The following NBL1 variants were observed in gnomAD, a reference collection of about 807,000 sequenced individuals.
The protein encoded by NBL1 is NBL1, DAN family BMP antagonist.
In NBL1, 9 loss-of-function variants were observed where a neutral mutation model predicts 16.0. The ratio of observed to expected loss-of-function variants is 0.56; its 90% CI spans 0.34 to 0.98. The LOEUF is 0.98. NBL1 is among the 50% of genes least tolerant of loss of function. NBL1 has a pLI of 0.02. For synonymous variants in NBL1, 86 were observed against 100.7 expected (o/e 0.85, Z 0.87); for missense variants, 196 against 243.1 (o/e 0.81, Z 1.29).
At chr1:19,646,000 G>C in intron 1 of NBL1, 1 of 1,550,516 alleles carries the variant, frequency 6.4e-7, no homozygotes, top group Non-Finnish European at 8.7e-7. Flanking sequence ...TTGTTTTGGA[G>C]ACTGTTTTTC....
chr1:19,655,442 A>ACTGC lies in NBL1; in HGVS notation c.282+17_282+20dup. 6.2e-7 allele frequency: 1 copy of ACTGC among 1,613,660 alleles called. No homozygotes were observed. The highest frequency in any genetic ancestry group is 2.2e-5 in the East Asian group (1 of 44,846). On this transcript the variant is annotated splice_region_variant and intron_variant, in intron 3 of 3. Coordinates refer to ENST00000375136, the MANE Select transcript of NBL1 (RefSeq NM_005380.8). Reference sequence around the variant, plus strand: ...CCAGTCCATGTGGGAGATTGTGAGTACTGCCTGCCTGCCCCACCCAGTCTC... The same window carrying ACTGC: ...CCAGTCCATGTGGGAGATTGTGAGTACTGCCTGCCTGCCTGCCCCACCCAGTCTC...
Position 19,650,866 on chromosome 1 carries a change from C to T in NBL1, c.-19-4146C>T, listed in dbSNP as rs533951915. 6.6e-5 allele frequency among the ~76,000 whole-genome samples: 10 copies of T among 152,202 alleles called. 1 individual carries two copies. The highest frequency in any genetic ancestry group is 5.2e-4 in the Admixed American group (8 of 15,248). ...ACCCCACCGGTGGGGGCAGCCTGGG[C>T]TCTTCGGGGCTGGGCAGGAGGGTGG... On this transcript the variant is annotated intron_variant, in intron 1 of 3. Coordinates refer to ENST00000375136, the MANE Select transcript of NBL1 (RefSeq NM_005380.8).
intron 1 of NBL1, among the ~76,000 whole-genome samples, chr1:19,648,305 G>A (rs1342127182): frequency 6.6e-6 from 1 of 152,192 alleles, no homozygotes; most frequent in African/African-American, 2.4e-5. Flanking sequence ...CTCAGTGGCA[G>A]CGTTGTTAAT....
chr1:19,648,932 A>G (rs780328603), intron 1 of NBL1, among the ~76,000 whole-genome samples: 34 of 152,154 alleles, frequency 2.2e-4, no homozygotes, highest in Non-Finnish European at 4.6e-4. Context: ...CTAGGGAGTC[A>G]GGAATGGGAT....
chr1:19,657,101 A>G lies in NBL1; in HGVS notation c.518A>G (p.His173Arg). 1 of 1,256,994 alleles carries G rather than the reference A, an allele frequency of 8.0e-7. No homozygotes were observed. The highest frequency in any genetic ancestry group is 1.0e-6 in the Non-Finnish European group (1 of 970,884). 77.9% of individuals were successfully genotyped at this position (1,256,994 alleles called of 1,614,324 possible). A position where few individuals can be genotyped will look rare whatever the true frequency, so the allele number is the denominator to read the frequency against. ...PEPEDPPGAPHTEEEGAED is the reference protein window; with the variant it reads ...PEPEDPPGAPRTEEEGAED The stretch of plus-strand genomic sequence containing the variant: ...CCCGAGGACCCCCCTGGGGCCCCCC[A>G]CACAGAGGAAGAGGGGGCTGAGGAC... Residue 173 changes from histidine (H) to arginine (R), a missense_variant, in exon 4 of 4, where the codon CAC becomes CGC. Transcript: ENST00000375136.
At chr1:19,656,815 C>G in intron 3 of NBL1, 51 bp from the exon 4 acceptor site, 1 of 1,553,858 alleles carries the variant, frequency 6.4e-7, no homozygotes, top group African/African-American at 1.4e-5. Flanking sequence ...GCTGCCTTGC[C>G]TGCCCCAGAC....
intron 1 of NBL1, among the ~76,000 whole-genome samples, chr1:19,648,021 G>C (rs998248381): frequency 6.6e-6 from 1 of 152,182 alleles, no homozygotes; most frequent in Non-Finnish European, 1.5e-5. Context: ...TTTTGTGTGT[G>C]TGTGGGTCTG....
intron 1 of NBL1, chr1:19,645,819 C>G (rs532453038): frequency 6.8e-7 from 1 of 1,467,530 alleles, no homozygotes; most frequent in African/African-American, 1.4e-5. Context: ...CCAGGGATAT[C>G]GCCTCATTAT....
intron 1 of NBL1, among the ~76,000 whole-genome samples, chr1:19,651,851 G>A (rs192107904): frequency 1.6e-4 from 25 of 152,096 alleles, no homozygotes; most frequent in Non-Finnish European, 1.0e-4. Flanking sequence ...ACATCACAAT[G>A]CATAATGTGA....
Position 19,657,627 on chromosome 1 carries a change from CCT to C in NBL1, c.*502_*503del, listed in dbSNP as rs1295995024. On this transcript the variant is annotated 3_prime_UTR_variant, in exon 4 of 4. Transcript: ENST00000375136. ...CTCCGGCCCACAGGTTTCCCCAAGG[CCT>C]CTCACCCCACTTCCCATCTCCAGGG... 1 of 153,072 alleles carries C rather than the reference CCT, an allele frequency of 6.5e-6. No homozygotes were observed. The highest frequency in any genetic ancestry group is 1.9e-4 in the East Asian group (1 of 5,166). 9.5% of individuals were successfully genotyped at this position (153,072 alleles called of 1,614,324 possible). A position where few individuals can be genotyped will look rare whatever the true frequency, so the allele number is the denominator to read the frequency against.
At position 19,655,510 on chromosome 1, in the gene NBL1, C is replaced by T. The variant is rs139510360; in HGVS notation, c.282+75C>T. ...AGCCTTGGCCTTTCTCCCCAGGCTC[C>T]TGTATTCCAGCAGATGGCCACAGGG... On this transcript the variant is annotated intron_variant, in intron 3 of 3. Coordinates refer to ENST00000375136, the MANE Select transcript of NBL1 (RefSeq NM_005380.8). The T allele has an allele frequency of 5.2e-5, 79 of 1,522,400 alleles. 1 individual carries two copies. In the African/African-American group the frequency reaches 9.6e-4, roughly 18 times the overall value. 94.3% of individuals were successfully genotyped at this position (1,522,400 alleles called of 1,614,324 possible).
At chr1:19,651,100 G>T (rs1373293021) in intron 1 of NBL1, among the ~76,000 whole-genome samples, 1 of 152,242 alleles carries the variant, frequency 6.6e-6, no homozygotes. Context: ...CAGGGAAGGT[G>T]CAATGCTTCC....
chr1:19,655,897 T>C (rs926425281), intron 3 of NBL1, among the ~76,000 whole-genome samples: 1 of 152,162 alleles, frequency 6.6e-6, no homozygotes, highest in Non-Finnish European at 1.5e-5. Context: ...CCTGTTCTTT[T>C]CCCTGCTTGG....
At chr1:19,652,369 T>C (rs1448207121) in intron 1 of NBL1, among the ~76,000 whole-genome samples, 1 of 152,168 alleles carries the variant, frequency 6.6e-6, no homozygotes, top group East Asian at 1.9e-4. Context: ...TTTGTTAGGA[T>C]GTGGTTGTAC....
At chr1:19,647,866 C>A (rs11589390) in intron 1 of NBL1, among the ~76,000 whole-genome samples, 14 of 97,836 alleles carry the variant, frequency 1.4e-4, no homozygotes, top group Admixed American at 1.2e-3. Context: ...TGTGTGTGTG[C>A]GTGTGTGTGT....
intron 1 of NBL1, among the ~76,000 whole-genome samples, chr1:19,651,653 C>G (rs967341577): frequency 2.0e-5 from 3 of 151,734 alleles, no homozygotes; most frequent in Admixed American, 1.3e-4. Context: ...CTCCCTCCCT[C>G]TGTCCCTCCC....
upstream of NBL1, chr1:19,643,300 G>A: frequency 6.2e-7 from 1 of 1,613,546 alleles, no homozygotes; most frequent in South Asian, 1.1e-5. This position sits in a 1 kb window ranked among gnomAD's most constrained non-coding sequence, Gnocchi z 4.7. Flanking sequence ...AGGCCACTAG[G>A]AGCCACCCAG....
At chr1:19,655,238 G>A in intron 2 of NBL1, 38 bp downstream of exon 2, 2 of 1,607,018 alleles carry the variant, frequency 1.2e-6, no homozygotes, top group Non-Finnish European at 1.7e-6. Context: ...TGCGGACAGG[G>A]GTCCAAGGAG....
upstream of NBL1, chr1:19,644,068 C>T (rs1043885967): frequency 1.0e-5 from 10 of 975,108 alleles, no homozygotes; most frequent in African/African-American, 3.5e-5. This position sits in a 1 kb window ranked among gnomAD's most constrained non-coding sequence, Gnocchi z 4.6. Context: ...CCAGGCGTCC[C>T]GGCCGCCCCA....
Sources: allele counts gnomAD v4.1 joint callset (sites outside exome capture counted in the v4.1 genomes callset), GRCh38; gene constraint gnomAD v4.1.1; non-coding constraint Gnocchi (gnomAD v3.1); transcripts MANE v1.5; gene names NCBI Gene and HGNC (gene_info 2026-07-23, HGNC 2026-07-21).